The following DPP6 variants were observed in gnomAD, a reference collection of about 807,000 sequenced individuals.
DPP6 encodes dipeptidyl peptidase like 6, also known as A-type potassium channel modulatory protein DPP6.
In DPP6, 69 loss-of-function variants were observed where a neutral mutation model predicts 122.6. The ratio of observed to expected loss-of-function variants is 0.56; its 90% CI spans 0.46 to 0.69. DPP6 has a LOEUF of 0.69. Among genes scored for constraint, DPP6 ranks in the 30% least tolerant of loss-of-function variants. The probability of loss-of-function intolerance (pLI) is 0.00; values close to 1 mark genes in which losing one functional copy is unlikely to be tolerated. For missense variants in DPP6, 928 were observed against 1,116.9 expected (o/e 0.83, Z 2.41); for synonymous variants, 418 against 433.1 (o/e 0.97, Z 0.43).
intron 1 of DPP6, among the ~76,000 whole-genome samples, chr7:154,321,839 C>A (rs1807992939): frequency 6.6e-6 from 1 of 150,760 alleles, no homozygotes; most frequent in Non-Finnish European, 1.5e-5. Context: ...TACAGAGGAG[C>A]TTCTCTTCCC....
chr7:153,760,413 G>T, the DPP6 span, among the ~76,000 whole-genome samples: 1 of 152,114 alleles, frequency 6.6e-6, no homozygotes, highest in Non-Finnish European at 1.5e-5. Context: ...AATGAGATTT[G>T]TATTGTTTTG....
chr7:154,097,165 C>A (rs545608973), intron 1 of DPP6, among the ~76,000 whole-genome samples: 5 of 152,334 alleles, frequency 3.3e-5, no homozygotes, highest in African/African-American at 1.2e-4. Context: ...TTTGCTGTAG[C>A]CTGGGTGTAC....
chr7:154,662,252 T>C (rs1242178424), intron 6 of DPP6, among the ~76,000 whole-genome samples: 6 of 151,516 alleles, frequency 4.0e-5, no homozygotes, highest in Non-Finnish European at 7.4e-5. Context: ...GTATTAGCCA[T>C]AGTGTTCATA....
chr7:153,919,673 T>C (rs182015316), intron 1 of DPP6, among the ~76,000 whole-genome samples: 1,844 of 152,246 alleles, frequency 0.012, 38 homozygotes, highest in African/African-American at 0.042. Flanking sequence ...TTAGCCCCAA[T>C]AGGTCTGTTT....
At chr7:154,604,913 A>G (rs1373510333) in intron 5 of DPP6, among the ~76,000 whole-genome samples, 1 of 119,638 alleles carries the variant, frequency 8.4e-6, no homozygotes, top group Non-Finnish European at 1.9e-5. Flanking sequence ...TTTCCATCCA[A>G]TGTTAGCCCA....
At chr7:153,859,746 G>T in the DPP6 span, among the ~76,000 whole-genome samples, 1 of 152,100 alleles carries the variant, frequency 6.6e-6, no homozygotes, top group South Asian at 2.1e-4. Flanking sequence ...TGCATGGCTG[G>T]AGAGGCCTCA....
At chr7:154,587,412 C>T (rs1275294913) in intron 5 of DPP6, 10 of 582,470 alleles carry the variant, frequency 1.7e-5, no homozygotes, top group African/African-American at 1.3e-4. Context: ...CCAATGCTGC[C>T]GCTTTCCACC....
At chr7:154,197,838 C>G (rs1216270482) in intron 1 of DPP6, among the ~76,000 whole-genome samples, 1 of 152,198 alleles carries the variant, frequency 6.6e-6, no homozygotes, top group Non-Finnish European at 1.5e-5. Flanking sequence ...CTAACAGCAT[C>G]CACCTAGGAG....
chr7:154,663,831 G>GA (rs1837944070), intron 6 of DPP6, among the ~76,000 whole-genome samples: 1 of 123,842 alleles, frequency 8.1e-6, no homozygotes, highest in African/African-American at 2.7e-5. Flanking sequence ...TGGCGTATTG[G>GA]GCGTAGTATT....
At chr7:153,894,237 T>G (rs1280314596) in intron 1 of DPP6, among the ~76,000 whole-genome samples, 3 of 152,170 alleles carry the variant, frequency 2.0e-5, no homozygotes, top group Non-Finnish European at 4.4e-5. Context: ...GGTAAATACA[T>G]TTAGTCCAGA....
chr7:153,798,043 C>T, the DPP6 span, among the ~76,000 whole-genome samples: 1 of 152,066 alleles, frequency 6.6e-6, no homozygotes, highest in Non-Finnish European at 1.5e-5. Context: ...GGGGTTTCAC[C>T]ATGTTAGCCA....
intron 5 of DPP6, among the ~76,000 whole-genome samples, chr7:154,576,026 A>G (rs1387580729): frequency 6.6e-6 from 1 of 152,050 alleles, no homozygotes; most frequent in Non-Finnish European, 1.5e-5. Context: ...TAATGAGACC[A>G]TGCATTCCAG....
intron 8 of DPP6, among the ~76,000 whole-genome samples, chr7:154,753,293 C>G (rs561128301): frequency 6.6e-6 from 1 of 152,026 alleles, no homozygotes; most frequent in African/African-American, 2.4e-5. Context: ...AAAGGGTGCC[C>G]GGTGACCCTT....
chr7:154,748,762 G>A (rs1010431043), intron 8 of DPP6, among the ~76,000 whole-genome samples: 5 of 152,182 alleles, frequency 3.3e-5, no homozygotes, highest in Admixed American at 2.0e-4. Flanking sequence ...AGCAGTGGAT[G>A]CGCTGGTTGG....
At chr7:154,127,034 C>CGTA (rs1807943457) in intron 1 of DPP6, among the ~76,000 whole-genome samples, 1 of 152,142 alleles carries the variant, frequency 6.6e-6, no homozygotes, top group Non-Finnish European at 1.5e-5. Flanking sequence ...TTAAATCCAT[C>CGTA]GTAATTACAT....
At chr7:154,271,900 A>G (rs2150934783) in intron 1 of DPP6, among the ~76,000 whole-genome samples, 1 of 152,326 alleles carries the variant, frequency 6.6e-6, no homozygotes. Flanking sequence ...CCTGCCTTAC[A>G]GGAAGATGTT....
At chr7:154,194,679 G>A (rs189116725) in intron 1 of DPP6, among the ~76,000 whole-genome samples, 20 of 152,294 alleles carry the variant, frequency 1.3e-4, no homozygotes, top group Admixed American at 1.2e-3. Flanking sequence ...TCCAATAGGC[G>A]TATAGCAATA....
intron 16 of DPP6, among the ~76,000 whole-genome samples, chr7:154,810,579 G>A (rs1798991119): frequency 6.6e-6 from 1 of 152,184 alleles, no homozygotes; most frequent in African/African-American, 2.4e-5. Context: ...AATAGTTATT[G>A]TGAAGAGATG....
At chr7:154,067,478 G>A (rs923943504) in intron 1 of DPP6, among the ~76,000 whole-genome samples, 3 of 152,048 alleles carry the variant, frequency 2.0e-5, no homozygotes, top group Admixed American at 6.5e-5. Context: ...AGCAGCATCA[G>A]GGAGAGGTCA....
Sources: allele counts gnomAD v4.1 joint callset (sites outside exome capture counted in the v4.1 genomes callset), GRCh38; gene constraint gnomAD v4.1.1; transcripts MANE v1.5; gene names NCBI Gene and HGNC (gene_info 2026-07-23, HGNC 2026-07-21).